Variants in THSD4 observed in about 807,000 individuals in gnomAD.
The protein encoded by THSD4 is thrombospondin type 1 domain containing 4, also known as thrombospondin type-1 domain-containing protein 4.
A neutral mutation model predicts 119.0 loss-of-function variants in THSD4; 69 were observed. The observed-to-expected ratio is 0.58, with a 90% CI of 0.48 to 0.71. THSD4 has a LOEUF of 0.71. THSD4 is among the 30% of genes least tolerant of loss of function. THSD4 has a pLI of 0.00. For missense variants in THSD4, 1,393 were observed against 1,391.1 expected, an observed-to-expected ratio of 1.00 and a Z score of -0.02; for synonymous variants, 524 against 540.4, an observed-to-expected ratio of 0.97 and a Z score of 0.42.
chr15:71,134,634 A>T (rs2040532810), intron 1 of THSD4, among the ~76,000 whole-genome samples: 2 of 152,234 alleles, frequency 1.3e-5, no homozygotes, highest in African/African-American at 4.8e-5. Context: ...TGTCTAATGG[A>T]AGGGCATTTG....
chr15:71,526,444 T>C (rs1313395349), intron 7 of THSD4, among the ~76,000 whole-genome samples: 1 of 152,098 alleles, frequency 6.6e-6, no homozygotes, highest in South Asian at 2.1e-4. Flanking sequence ...AATGCAGTCG[T>C]TTTGGCAGTT....
At chr15:71,225,804 G>A (rs1293397217) in intron 4 of THSD4, among the ~76,000 whole-genome samples, 1 of 152,084 alleles carries the variant, frequency 6.6e-6, no homozygotes, top group African/African-American at 2.4e-5. Flanking sequence ...GCCTCCCAGA[G>A]TGCTGGGATT....
rs370003230 is a variant in THSD4, at chr15:71,581,668, C to A, written c.1153-78862C>A. ...TTACAGTTTCAGATCTTACACAATT[C>A]AGTCTTTAATCCATTTGCATTGATT... On this transcript the variant is annotated intron_variant, in intron 7 of 17. Coordinates refer to ENST00000261862, the MANE Select transcript of THSD4 (RefSeq NM_024817.3). Among the ~76,000 whole-genome samples the A allele has an allele frequency of 2.0e-5, 3 of 152,244 alleles. No individual in the cohort carries two copies. In the South Asian group the frequency reaches 6.2e-4, roughly 32 times the overall value.
chr15:71,593,713 A>C (rs908639517), intron 7 of THSD4, among the ~76,000 whole-genome samples: 4 of 152,056 alleles, frequency 2.6e-5, no homozygotes, highest in African/African-American at 7.2e-5. Context: ...CAACCTGGGC[A>C]ACATGGCAAA....
intron 1 of THSD4, among the ~76,000 whole-genome samples, chr15:71,133,881 A>G (rs970859158): frequency 3.3e-5 from 5 of 152,362 alleles, no homozygotes; most frequent in African/African-American, 9.6e-5. Context: ...TGCAATTTGC[A>G]TTGAAATCCT....
chr15:71,714,263 G>A (rs2052565992), intron 8 of THSD4, among the ~76,000 whole-genome samples: 2 of 152,136 alleles, frequency 1.3e-5, no homozygotes, highest in Admixed American at 1.3e-4. Flanking sequence ...TGCGGTGGGT[G>A]TTGTGTGTTG....
chr15:71,399,729 G>A (rs943127694), intron 6 of THSD4, among the ~76,000 whole-genome samples: 8 of 152,126 alleles, frequency 5.3e-5, no homozygotes, highest in African/African-American at 1.9e-4. Context: ...CTGGGAACTT[G>A]TTAGAAATGA....
chr15:71,696,843 A>T (rs2052175172), intron 8 of THSD4, among the ~76,000 whole-genome samples: 1 of 152,184 alleles, frequency 6.6e-6, no homozygotes, highest in African/African-American at 2.4e-5. Context: ...TATAAGGAAG[A>T]GTGAAGGAGA....
At chr15:71,537,586 A>G (rs1236194150) in intron 7 of THSD4, among the ~76,000 whole-genome samples, 1 of 151,966 alleles carries the variant, frequency 6.6e-6, no homozygotes, top group Non-Finnish European at 1.5e-5. Flanking sequence ...TTCTAAATGT[A>G]TTTGTTGGGT....
intron 6 of THSD4, among the ~76,000 whole-genome samples, chr15:71,350,360 G>T (rs1035261105): frequency 6.6e-6 from 1 of 151,926 alleles, no homozygotes; most frequent in Non-Finnish European, 1.5e-5. Context: ...GACATTCTTG[G>T]TGGGGAGCCC....
intron 6 of THSD4, among the ~76,000 whole-genome samples, chr15:71,385,378 C>G (rs569640002): frequency 6.6e-6 from 1 of 152,252 alleles, no homozygotes; most frequent in South Asian, 2.1e-4. Context: ...ACACTAATCT[C>G]TTAAAAGAAA....
chr15:71,697,772 G>T (rs1380276586), intron 8 of THSD4, among the ~76,000 whole-genome samples: 1 of 152,168 alleles, frequency 6.6e-6, no homozygotes, highest in Non-Finnish European at 1.5e-5. Context: ...TATTTTGCAG[G>T]GGAGATGTTA....
At chr15:71,364,523 A>G (rs750017888) in intron 6 of THSD4, among the ~76,000 whole-genome samples, 2 of 152,218 alleles carry the variant, frequency 1.3e-5, no homozygotes, top group Non-Finnish European at 2.9e-5. Context: ...TCCCTCACAG[A>G]GTAACTAAAG....
intron 8 of THSD4, among the ~76,000 whole-genome samples, chr15:71,716,419 C>T (rs1330875557): frequency 6.6e-6 from 1 of 152,198 alleles, no homozygotes; most frequent in Non-Finnish European, 1.5e-5. Context: ...GCAATTACCA[C>T]ATAAATGAAA....
chr15:71,735,844 C>A (rs1395225442), intron 10 of THSD4, among the ~76,000 whole-genome samples: 5 of 149,958 alleles, frequency 3.3e-5, no homozygotes, highest in Non-Finnish European at 4.4e-5. Flanking sequence ...CTGTCTCTTT[C>A]GCTCTCTGTC....
At chr15:71,279,100 T>G (rs1472640319) in intron 6 of THSD4, among the ~76,000 whole-genome samples, 4 of 152,162 alleles carry the variant, frequency 2.6e-5, no homozygotes, top group East Asian at 1.9e-4. Context: ...TTATGAGATG[T>G]TCTGCTGTGA....
intron 7 of THSD4, among the ~76,000 whole-genome samples, chr15:71,596,569 A>G (rs1413656242): frequency 6.6e-6 from 1 of 152,250 alleles, no homozygotes; most frequent in Admixed American, 6.5e-5. Flanking sequence ...ATAAGATATT[A>G]GTTCTATCTA....
intron 6 of THSD4, among the ~76,000 whole-genome samples, chr15:71,264,406 A>T (rs558479803): frequency 1.3e-5 from 2 of 152,318 alleles, no homozygotes; most frequent in African/African-American, 4.8e-5. Context: ...TCTCTTTTAC[A>T]TGCCAGGGGA....
intron 6 of THSD4, among the ~76,000 whole-genome samples, chr15:71,373,083 A>G (rs1474490903): frequency 1.3e-5 from 2 of 152,240 alleles, no homozygotes; most frequent in Non-Finnish European, 2.9e-5. Context: ...AGACTGGTCT[A>G]AAAATATTCA....
Sources: gnomAD v4.1 joint callset for allele counts (sites outside exome capture counted in the v4.1 genomes callset) on GRCh38, gnomAD v4.1.1 for gene constraint, MANE v1.5 for transcripts, NCBI Gene and HGNC (gene_info 2026-07-23, HGNC 2026-07-21) for gene names.